ARB2A: variants seen among roughly 807,000 people sequenced by gnomAD.
ARB2A encodes cotranscriptional regulator ARB2A.
chr5:93,865,369 C>T, the ARB2A span: 41 of 984,892 alleles, frequency 4.2e-5, no homozygotes, highest in Non-Finnish European at 4.8e-5. Context: ...CATGAGCCAC[C>T]GCGCCCAGCC....
chr5:94,074,672 T>G, the ARB2A span: 5 of 1,612,736 alleles, frequency 3.1e-6, no homozygotes, highest in Non-Finnish European at 4.2e-6. Context: ...CTTTTCTTTT[T>G]CATCTGGACC....
chr5:93,965,801 TTCGTA>T, the ARB2A span, among the ~76,000 whole-genome samples: 59 of 152,074 alleles, frequency 3.9e-4, no homozygotes. Context: ...TGGTGCTGTA[TTCGTA>T]ATCTAAAATA....
At chr5:93,939,515 T>C in the ARB2A span, among the ~76,000 whole-genome samples, 1 of 152,052 alleles carries the variant, frequency 6.6e-6, no homozygotes, top group Non-Finnish European at 1.5e-5. Context: ...CTATGAAATA[T>C]GGGAAAACTG....
the ARB2A span, among the ~76,000 whole-genome samples, chr5:93,788,776 G>C: frequency 3.3e-5 from 5 of 152,180 alleles, no homozygotes; most frequent in Admixed American, 3.3e-4. Flanking sequence ...AGATGTTGAT[G>C]TTATAGGGAT....
the ARB2A span, among the ~76,000 whole-genome samples, chr5:94,089,351 T>C: frequency 6.6e-6 from 1 of 152,172 alleles, no homozygotes; most frequent in Non-Finnish European, 1.5e-5. Context: ...TCTAAGAATA[T>C]ATTTAAAGGC....
the ARB2A span, among the ~76,000 whole-genome samples, chr5:93,651,182 C>T: frequency 1.2e-4 from 18 of 151,900 alleles, no homozygotes; most frequent in Admixed American, 1.1e-3. Flanking sequence ...GTCACCCAGC[C>T]TGGAGTGCAG....
chr5:93,715,455 C>T, the ARB2A span, among the ~76,000 whole-genome samples: 4 of 152,122 alleles, frequency 2.6e-5, no homozygotes, highest in Non-Finnish European at 5.9e-5. Flanking sequence ...TGCAGCAGAG[C>T]ACCATAATTA....
At chr5:93,689,658 C>T in the ARB2A span, among the ~76,000 whole-genome samples, 1 of 151,752 alleles carries the variant, frequency 6.6e-6, no homozygotes, top group African/African-American at 2.4e-5. Flanking sequence ...TGTCTAGAAA[C>T]AAAATTAAAA....
chr5:93,677,244 T>C, the ARB2A span, among the ~76,000 whole-genome samples: 2 of 152,198 alleles, frequency 1.3e-5, no homozygotes, highest in African/African-American at 4.8e-5. Context: ...AATCACATGA[T>C]GCACAAAAGT....
the ARB2A span, among the ~76,000 whole-genome samples, chr5:93,850,488 G>A: frequency 6.6e-6 from 1 of 152,140 alleles, no homozygotes; most frequent in East Asian, 1.9e-4. Flanking sequence ...TCAGGATGCT[G>A]TGAACAGCAG....
At chr5:93,906,678 A>G in the ARB2A span, among the ~76,000 whole-genome samples, 1 of 151,662 alleles carries the variant, frequency 6.6e-6, no homozygotes, top group Non-Finnish European at 1.5e-5. Context: ...ACAATTATTT[A>G]CATGTTCAGT....
At chr5:93,941,777 A>G in the ARB2A span, among the ~76,000 whole-genome samples, 1 of 152,192 alleles carries the variant, frequency 6.6e-6, no homozygotes, top group Admixed American at 6.5e-5. Context: ...ATTATTTGAA[A>G]CCAGGTGCAG....
the ARB2A span, among the ~76,000 whole-genome samples, chr5:94,100,955 A>G: frequency 2.4e-4 from 37 of 152,332 alleles, no homozygotes; most frequent in Non-Finnish European, 4.7e-4. Context: ...ATTAAACTTA[A>G]GAGCTTCTGC....
At chr5:94,043,133 T>C in the ARB2A span, among the ~76,000 whole-genome samples, 1 of 151,976 alleles carries the variant, frequency 6.6e-6, no homozygotes, top group African/African-American at 2.4e-5. Context: ...ACTTTGAAAA[T>C]TGAGACATCA....
chr5:93,870,364 G>A, the ARB2A span, among the ~76,000 whole-genome samples: 7 of 152,112 alleles, frequency 4.6e-5, no homozygotes, highest in African/African-American at 1.7e-4. Context: ...TTACATCGCC[G>A]CTCATATTGA....
At chr5:93,746,508 T>A in the ARB2A span, among the ~76,000 whole-genome samples, 318 of 152,334 alleles carry the variant, frequency 2.1e-3, 2 homozygotes, top group Middle Eastern at 0.01. Flanking sequence ...GAGGACTTTT[T>A]AAAAACATTA....
the ARB2A span, among the ~76,000 whole-genome samples, chr5:93,838,885 A>C: frequency 1.7e-4 from 26 of 152,188 alleles, no homozygotes; most frequent in African/African-American, 5.8e-4. Flanking sequence ...TTGTGTTTGT[A>C]CATTGATTTT....
chr5:93,728,185 T>C, the ARB2A span, among the ~76,000 whole-genome samples: 2 of 152,080 alleles, frequency 1.3e-5, no homozygotes, highest in Admixed American at 1.3e-4. Context: ...TTTTTTTTTG[T>C]TGTTGTTTTC....
chr5:93,660,310 A>T, the ARB2A span, among the ~76,000 whole-genome samples: 2 of 152,228 alleles, frequency 1.3e-5, no homozygotes, highest in South Asian at 4.1e-4. Context: ...AACCTAGGCA[A>T]TTTGACTGTG....
Sources: gnomAD v4.1 joint callset for allele counts (sites outside exome capture counted in the v4.1 genomes callset) on GRCh38, gnomAD v4.1.1 for gene constraint, MANE v1.5 for transcripts, NCBI Gene and HGNC (gene_info 2026-07-23, HGNC 2026-07-21) for gene names.